ARHGEF28: variants seen among roughly 807,000 people sequenced by gnomAD.
ARHGEF28 encodes the protein 190 kDa guanine nucleotide exchange factor.
Under a neutral mutation model 206.6 loss-of-function variants are expected in ARHGEF28, and 152 were observed. The ratio of observed to expected loss-of-function variants is 0.74; its 90% confidence interval spans 0.64 to 0.84. The LOEUF (loss-of-function observed/expected upper bound fraction) is 0.84, where lower values mean the gene tolerates loss of function less well. Ranked by LOEUF, ARHGEF28 falls within the 40% of genes least tolerant of loss-of-function variation. ARHGEF28 has a pLI of 0.00. For missense variants in ARHGEF28, 2,028 were observed against 2,073.2 expected, an observed-to-expected ratio of 0.98 and a Z score of 0.42; for synonymous variants, 763 against 776.4, an observed-to-expected ratio of 0.98 and a Z score of 0.29.
Position 73,776,264 on chromosome 5 carries a change from T to G in ARHGEF28, c.660-252T>G, listed in dbSNP as rs116080731. ...TGTTTAAAATTCAGTACTGTTTCAT[T>G]CTTTATGTAAACCTTTAAAGTATGT... On this transcript the variant is annotated intron_variant, in intron 5 of 35. Coordinates refer to ENST00000513042, the MANE Select transcript of ARHGEF28 (RefSeq NM_001177693.2). Among the ~76,000 whole-genome samples the G allele has an allele frequency of 2.1e-3, 316 of 152,354 alleles. 1 individual carries two copies. Among genetic ancestry groups the G allele is most frequent in the African/African-American group, 7.3e-3 (302 of 41,590 alleles).
intron 7 of ARHGEF28, among the ~76,000 whole-genome samples, chr5:73,784,809 A>T (rs888252770): frequency 1.3e-5 from 2 of 152,222 alleles, no homozygotes; most frequent in Non-Finnish European, 2.9e-5. Context: ...ATGATAATTA[A>T]TAATAAAGTA....
intron 2 of ARHGEF28, among the ~76,000 whole-genome samples, chr5:73,692,764 A>G (rs926185743): frequency 6.6e-6 from 1 of 152,226 alleles, no homozygotes; most frequent in African/African-American, 2.4e-5. Context: ...TCAGGGAAGC[A>G]GCTTCTTATT....
At chr5:73,859,330 GATCGCCA>G (rs1352176301) in intron 16 of ARHGEF28, among the ~76,000 whole-genome samples, 3 of 152,190 alleles carry the variant, frequency 2.0e-5, no homozygotes, top group African/African-American at 7.2e-5. Context: ...GGTATTTGTT[GATCGCCA>G]GAATTGTGGG....
At chr5:73,757,313 G>A (rs556126220) in intron 4 of ARHGEF28, among the ~76,000 whole-genome samples, 51 of 152,152 alleles carry the variant, frequency 3.4e-4, no homozygotes, top group Non-Finnish European at 6.0e-4. Context: ...TCCAGTACTT[G>A]TCCAAAAATT....
At chr5:73,815,174 T>G (rs1756112961) in intron 9 of ARHGEF28, among the ~76,000 whole-genome samples, 1 of 144,916 alleles carries the variant, frequency 6.9e-6, no homozygotes, top group South Asian at 2.2e-4. Context: ...TAACTTACTG[T>G]TAAATGATTC....
Position 73,768,279 on chromosome 5 carries a change from G to A in ARHGEF28, c.476-5576G>A, listed in dbSNP as rs192813895. ...GTGAGAAGAGGGCCACAATCTTCCAGACCCCAGAATGGTAGATCCACTGAC... is the reference window on the plus strand; with the variant it reads ...GTGAGAAGAGGGCCACAATCTTCCAAACCCCAGAATGGTAGATCCACTGAC... On this transcript the variant is annotated intron_variant, in intron 4 of 35. Coordinates refer to ENST00000513042, the MANE Select transcript of ARHGEF28 (RefSeq NM_001177693.2). 1.1e-4 allele frequency among the ~76,000 whole-genome samples: 17 copies of A among 152,296 alleles called. No homozygotes were observed. The East Asian group carries it at 3.3e-3, about 29-fold the overall frequency.
chr5:73,794,122 C>T (rs1754647661), intron 7 of ARHGEF28, among the ~76,000 whole-genome samples: 1 of 152,090 alleles, frequency 6.6e-6, no homozygotes, highest in South Asian at 2.1e-4. Flanking sequence ...GAATCAAGGG[C>T]ATTTATTTAT....
intron 2 of ARHGEF28, among the ~76,000 whole-genome samples, chr5:73,723,919 G>A (rs1215335767): frequency 6.6e-6 from 1 of 152,194 alleles, no homozygotes; most frequent in African/African-American, 2.4e-5. Flanking sequence ...AGATTCTGGG[G>A]TTTGCATTTG....
At chr5:73,855,680 C>T (rs1167551576) in intron 14 of ARHGEF28, among the ~76,000 whole-genome samples, 1 of 150,268 alleles carries the variant, frequency 6.7e-6, no homozygotes, top group Non-Finnish European at 1.5e-5. Flanking sequence ...TGCAGTGAGC[C>T]AAGATCACGC....
At position 73,888,685 on chromosome 5, in the gene ARHGEF28, T is replaced by C. The variant is rs569253552; in HGVS notation, c.3387+1006T>C. Among the ~76,000 whole-genome samples the C allele has an allele frequency of 5.9e-5, 9 of 152,364 alleles. No homozygotes were observed. In the East Asian group the frequency reaches 1.7e-3, roughly 29 times the overall value. ...AATATAAATACAACTACCTTGTTTT[T>C]TAGGACGAGGTAGCATATGGATTCA... On this transcript the variant is annotated intron_variant, in intron 26 of 35. Transcript: ENST00000513042.
intron 1 of ARHGEF28, among the ~76,000 whole-genome samples, chr5:73,627,766 T>A (rs1743098656): frequency 6.6e-6 from 1 of 152,228 alleles, no homozygotes; most frequent in African/African-American, 2.4e-5. Flanking sequence ...TAGCATCAGA[T>A]CTTATAGCTA....
At chr5:73,765,841 A>G (rs1218276898) in intron 4 of ARHGEF28, among the ~76,000 whole-genome samples, 1 of 152,238 alleles carries the variant, frequency 6.6e-6, no homozygotes, top group Non-Finnish European at 1.5e-5. Flanking sequence ...GTGAATCAAA[A>G]AAAAATTAGT....
chr5:73,856,632 A>G (rs1759058161), intron 14 of ARHGEF28, among the ~76,000 whole-genome samples: 1 of 152,192 alleles, frequency 6.6e-6, no homozygotes, highest in African/African-American at 2.4e-5. Context: ...AAGAACAATC[A>G]AAGTCCTAGA....
In ARHGEF28 at chr5:73,728,237, T is replaced by C. The variant is rs146816997; in HGVS notation, c.34-21600T>C. On this transcript the variant is annotated intron_variant, in intron 2 of 35. Coordinates refer to ENST00000513042, the MANE Select transcript of ARHGEF28 (RefSeq NM_001177693.2). Reference sequence around the variant, plus strand: ...AGAACAAAGTAGAGCATTGCTTGTCTTGTGGAAAGCCTTCTTATTTTTAAA... The same window carrying C: ...AGAACAAAGTAGAGCATTGCTTGTCCTGTGGAAAGCCTTCTTATTTTTAAA... 1.2e-3 allele frequency among the ~76,000 whole-genome samples: 190 copies of C among 152,340 alleles called. 4 individuals carry two copies. The highest frequency in any genetic ancestry group is 6.8e-3 in the Middle Eastern group (2 of 294).
chr5:73,912,259 G>T (rs965622755), intron 35 of ARHGEF28, among the ~76,000 whole-genome samples: 2 of 152,182 alleles, frequency 1.3e-5, no homozygotes, highest in African/African-American at 2.4e-5. Flanking sequence ...GGAATGAGAA[G>T]AACTTGAAAC....
chr5:73,908,252 AG>A (rs1762656860), intron 33 of ARHGEF28: 1 of 152,186 alleles, frequency 6.6e-6, no homozygotes, highest in Non-Finnish European at 1.5e-5. Flanking sequence ...TTCCAAGACA[AG>A]TATGAATTTA....
chr5:73,708,252 G>A (rs1003165274), intron 2 of ARHGEF28, among the ~76,000 whole-genome samples: 2 of 151,732 alleles, frequency 1.3e-5, no homozygotes, highest in Admixed American at 1.3e-4. Context: ...TTGTTACATG[G>A]GTATATTGCA....
chr5:73,839,673 C>T (rs998496122), intron 10 of ARHGEF28, among the ~76,000 whole-genome samples: 4 of 152,140 alleles, frequency 2.6e-5, no homozygotes, highest in South Asian at 2.1e-4. Flanking sequence ...CAGAGTTTCC[C>T]GACTCCCCTT....
intron 16 of ARHGEF28, among the ~76,000 whole-genome samples, chr5:73,859,258 TTGAA>T (rs1422016523): frequency 6.6e-6 from 1 of 152,214 alleles, no homozygotes; most frequent in African/African-American, 2.4e-5. Flanking sequence ...TAAGTATTTG[TTGAA>T]TGAAAGAATA....
Sources: allele counts gnomAD v4.1 joint callset (sites outside exome capture counted in the v4.1 genomes callset), GRCh38; gene constraint gnomAD v4.1.1; transcripts MANE v1.5; gene names NCBI Gene and HGNC (gene_info 2026-07-23, HGNC 2026-07-21).